Variants in MAGI1 observed in about 807,000 individuals in gnomAD.
MAGI1 encodes membrane-associated guanylate kinase, WW and PDZ domain-containing protein 1.
In MAGI1, 58 loss-of-function variants were observed where a neutral mutation model predicts 139.9. The observed-to-expected ratio is 0.41, with a 90% confidence interval of 0.34 to 0.52. MAGI1 has a LOEUF of 0.52. MAGI1 is among the 20% of genes least tolerant of loss of function. The pLI, the probability that MAGI1 is intolerant of heterozygous loss-of-function variation, is 0.12. For synonymous variants in MAGI1, 812 were observed against 737.9 expected (o/e 1.10, Z -1.63); for missense variants, 1,874 against 1,901.6 (o/e 0.99, Z 0.27).
At chr3:65,402,668 T>G (rs1157439294) in intron 12 of MAGI1, among the ~76,000 whole-genome samples, 1 of 152,140 alleles carries the variant, frequency 6.6e-6, no homozygotes, top group Non-Finnish European at 1.5e-5. Flanking sequence ...TGGAAGTGAC[T>G]TGTCAAACCA....
At chr3:65,736,325 T>C (rs1265018610) in intron 1 of MAGI1, among the ~76,000 whole-genome samples, 2 of 152,178 alleles carry the variant, frequency 1.3e-5, no homozygotes, top group Non-Finnish European at 2.9e-5. Context: ...AGACTCCTTT[T>C]AAAAGAATGC....
At chr3:65,996,564 C>T (rs997942985) in intron 1 of MAGI1, among the ~76,000 whole-genome samples, 2 of 151,878 alleles carry the variant, frequency 1.3e-5, no homozygotes, top group Non-Finnish European at 2.9e-5. Context: ...GAAGCGAGCC[C>T]CCACTTAAAG....
At chr3:65,882,074 A>G (rs1421387063) in intron 1 of MAGI1, among the ~76,000 whole-genome samples, 1 of 152,202 alleles carries the variant, frequency 6.6e-6, no homozygotes, top group South Asian at 2.1e-4. Flanking sequence ...GCAACAATAA[A>G]CATTCTATCC....
At position 65,517,137 on chromosome 3, in the gene MAGI1, T is replaced by A. The variant is rs1576148984; in HGVS notation, c.431-23506A>T. On this transcript the variant is annotated intron_variant, in intron 2 of 22. Transcript: ENST00000402939. ...ACCTGGCTTCATATCTCATTCTGCA[T>A]CAAGCATGTTGTCCTCTATTCTTAG... is the stretch of plus-strand genomic sequence containing the variant. Among the ~76,000 whole-genome samples the A allele has an allele frequency of 3.3e-5, 5 of 152,254 alleles. No homozygotes were observed. The South Asian group carries it at 1.0e-3, about 32-fold the overall frequency.
chr3:65,927,191 C>T (rs1364584991), intron 1 of MAGI1, among the ~76,000 whole-genome samples: 1 of 152,160 alleles, frequency 6.6e-6, no homozygotes, highest in Non-Finnish European at 1.5e-5. Context: ...TCTTAATAAA[C>T]TTCCTTTCAT....
chr3:65,547,683 T>C (rs1230180312), intron 2 of MAGI1, among the ~76,000 whole-genome samples: 3 of 152,150 alleles, frequency 2.0e-5, no homozygotes, highest in Non-Finnish European at 2.9e-5. Flanking sequence ...ATCCCACTTC[T>C]GTTTATCTGT....
intron 1 of MAGI1, among the ~76,000 whole-genome samples, chr3:65,973,578 CAT>C (rs1560070445): frequency 6.6e-6 from 1 of 152,200 alleles, no homozygotes; most frequent in African/African-American, 2.4e-5. Flanking sequence ...GCCATATAAA[CAT>C]ATGCACAACA....
At chr3:65,775,884 C>G (rs1474689678) in intron 1 of MAGI1, among the ~76,000 whole-genome samples, 1 of 150,638 alleles carries the variant, frequency 6.6e-6, no homozygotes, top group Non-Finnish European at 1.5e-5. Context: ...TGAGGCTGCA[C>G]TGAGCCATGA....
chr3:65,459,733 G>A (rs569205992), intron 5 of MAGI1, among the ~76,000 whole-genome samples: 11 of 152,046 alleles, frequency 7.2e-5, no homozygotes, highest in South Asian at 2.1e-4. Flanking sequence ...GACCAGCCTG[G>A]GCAACACAGA....
intron 1 of MAGI1, among the ~76,000 whole-genome samples, chr3:65,749,593 T>A (rs1244758334): frequency 6.6e-6 from 1 of 151,464 alleles, no homozygotes; most frequent in Non-Finnish European, 1.5e-5. Flanking sequence ...GCATGATGGG[T>A]GCACCAAAAT....
intron 1 of MAGI1, among the ~76,000 whole-genome samples, chr3:65,762,456 GA>G (rs144537538): frequency 1.5e-4 from 22 of 145,186 alleles, no homozygotes; most frequent in East Asian, 1.0e-3. Context: ...TGGGAAGGCG[GA>G]AAAAAAAAAC....
chr3:65,568,587 A>G (rs1460768829), intron 2 of MAGI1, among the ~76,000 whole-genome samples: 5 of 152,008 alleles, frequency 3.3e-5, no homozygotes, highest in Admixed American at 2.6e-4. Flanking sequence ...GGGACTGCAC[A>G]CTCAAGTCTA....
chr3:65,843,021 T>C (rs57262024), intron 1 of MAGI1, among the ~76,000 whole-genome samples: 4,904 of 152,310 alleles, frequency 0.032, 251 homozygotes, highest in African/African-American at 0.11. Flanking sequence ...ATGTAGCTCC[T>C]ACAATGGTCT....
intron 1 of MAGI1, among the ~76,000 whole-genome samples, chr3:66,029,448 T>C (rs2068478777): frequency 6.6e-6 from 1 of 152,012 alleles, no homozygotes; most frequent in African/African-American, 2.4e-5. Context: ...AATGGTGGGG[T>C]TGATACCTTA....
At chr3:65,482,922 T>C (rs1951378914) in intron 3 of MAGI1, among the ~76,000 whole-genome samples, 1 of 152,186 alleles carries the variant, frequency 6.6e-6, no homozygotes, top group Non-Finnish European at 1.5e-5. Context: ...CACATGAACA[T>C]ACTAAATCAA....
intron 1 of MAGI1, among the ~76,000 whole-genome samples, chr3:66,020,365 G>A (rs80161906): frequency 0.016 from 2,485 of 152,206 alleles, 72 homozygotes; most frequent in African/African-American, 0.057. Flanking sequence ...TGAACCTGGA[G>A]GTTGCAATGA....
intron 17 of MAGI1, among the ~76,000 whole-genome samples, chr3:65,377,990 A>C (rs1942693134): frequency 6.6e-6 from 1 of 152,204 alleles, no homozygotes. Context: ...CATGTGGATA[A>C]GTCATTCAGG....
chr3:65,951,029 AAGGAAGGAAAGGAG>A lies in MAGI1; in HGVS notation c.313+86953_313+86966del, dbSNP rs1560047318. Among the ~76,000 whole-genome samples, 34 of 52,708 alleles carry A rather than the reference AAGGAAGGAAAGGAG, an allele frequency of 6.5e-4. 3 individuals are homozygous for A. The highest frequency in any genetic ancestry group is 1.5e-3 in the Non-Finnish European group (29 of 18,932). The allele number at this position is 52,708 out of a possible 152,430, so 34.6% of individuals were successfully genotyped here. On this transcript the variant is annotated intron_variant, in intron 1 of 22. Coordinates refer to ENST00000402939, the MANE Select transcript of MAGI1 (RefSeq NM_001033057.2). ...GAAGGAAGGAAGGAAGGAAGGAAGG[AAGGAAGGAAAGGAG>A]GGAGGGAGGGAGGAAGGTGGGAGGG...
rs967876938 is a variant in MAGI1, at chr3:65,584,872, A to G, written c.430+37100T>C. Among the ~76,000 whole-genome samples, 2 of 152,172 alleles carry G rather than the reference A, an allele frequency of 1.3e-5. 1 individual carries two copies. Among genetic ancestry groups the G allele is most frequent in the South Asian group, 4.1e-4 (2 of 4,822 alleles). ...CATTTAAATCTTTCTTGTACCAGGT[A>G]CTGTGCTAGACACTGGTGCTATAAT... On this transcript the variant is annotated intron_variant, in intron 2 of 22. Coordinates refer to ENST00000402939, the MANE Select transcript of MAGI1 (RefSeq NM_001033057.2).
Sources: gnomAD v4.1 joint callset for allele counts (sites outside exome capture counted in the v4.1 genomes callset) on GRCh38, gnomAD v4.1.1 for gene constraint, MANE v1.5 for transcripts, NCBI Gene and HGNC (gene_info 2026-07-23, HGNC 2026-07-21) for gene names.